Variants in VGF observed in about 807,000 individuals in gnomAD.
VGF encodes the protein neurosecretory protein VGF.
In VGF, 13 loss-of-function variants were observed where a neutral mutation model predicts 41.1. The ratio of observed to expected loss-of-function variants is 0.32; its 90% CI spans 0.21 to 0.50. The LOEUF is 0.50. VGF is among the 20% of genes least tolerant of loss of function. VGF has a pLI of 0.98. For synonymous variants in VGF, 473 were observed against 418.3 expected, an observed-to-expected ratio of 1.13 and a Z score of -1.60; for missense variants, 920 against 882.1, an observed-to-expected ratio of 1.04 and a Z score of -0.54.
At position 101,164,882 on chromosome 7, in the gene VGF, C is replaced by T; in HGVS notation, c.-20-19G>A. On this transcript the variant is annotated intron_variant, in intron 1 of 1. Coordinates refer to ENST00000249330, the MANE Select transcript of VGF (RefSeq NM_003378.4). ...CCGGAGACTGAAAAATAGAAGGGACCAAAAAAAGAGGATTTCTGTAAGAAT... is the reference window on the plus strand; with the variant it reads ...CCGGAGACTGAAAAATAGAAGGGACTAAAAAAAGAGGATTTCTGTAAGAAT... 6.6e-7 allele frequency: 1 copy of T among 1,512,932 alleles called. No homozygotes were observed. The highest frequency in any genetic ancestry group is 8.8e-7 in the Non-Finnish European group (1 of 1,130,280). The allele number at this position is 1,512,932 out of a possible 1,614,324, so 93.7% of individuals were successfully genotyped here. A position where few individuals can be genotyped will look rare whatever the true frequency, so the allele number is the denominator to read the frequency against.
chr7:101,169,004 C>T (rs1797264212), upstream of VGF, among the ~76,000 whole-genome samples: 1 of 152,022 alleles, frequency 6.6e-6, no homozygotes, highest in African/African-American at 2.4e-5. Context: ...TTAGAACACA[C>T]TCTTGCCCTA....
At position 101,163,157 on chromosome 7, in the gene VGF, G is replaced by A; in HGVS notation, c.1687C>T (p.Arg563Cys). ...GGCAAGGCGTGGTGGTAGTGGCGGC[G>A]GCGCAAGGCCGAGGGCGGCTGCAGT... The part of the protein sequence containing the change: ...RTLQPPSALR[R>C]RHYHHALPPS... The change falls in exon 2 of 2, where the codon CGC becomes TGC. Residue 563 changes from arginine to cysteine, a missense_variant. This residue lies in a region of VGF where 257 missense variants were observed against 217.2 expected (regional missense o/e 1.18). Coordinates refer to ENST00000249330, the MANE Select transcript of VGF (RefSeq NM_003378.4). The surrounding 1 kb of genome is among the most constrained non-coding windows in gnomAD (Gnocchi z 5.0). The A allele has an allele frequency of 6.3e-7, 1 of 1,574,904 alleles. No homozygotes were observed. The highest frequency in any genetic ancestry group is 1.4e-5 in the African/African-American group (1 of 70,928).
In VGF at chr7:101,163,151, G is replaced by C. The variant is rs1321834367; in HGVS notation, c.1693C>G (p.His565Asp). ...LQPPSALRRR[H>D]YHHALPPSRH... ...GAAGGCGGCAAGGCGTGGTGGTAGTGGCGGCGGCGCAAGGCCGAGGGCGGC... is the reference window on the plus strand; with the variant it reads ...GAAGGCGGCAAGGCGTGGTGGTAGTCGCGGCGGCGCAAGGCCGAGGGCGGC... The change falls in exon 2 of 2, where the codon CAC (histidine) becomes GAC (aspartate). Residue 565 changes from histidine (H) to aspartate (D), a missense_variant. Around this residue, in one of 3 missense-constraint regions of VGF, gnomAD observed 257 missense variants for 217.2 expected, o/e 1.18. Transcript: ENST00000249330. This position sits in a 1 kb window ranked among gnomAD's most constrained non-coding sequence, Gnocchi z 5.0. The C allele has an allele frequency of 1.3e-6, 2 of 1,578,828 alleles. No homozygotes were observed. Among genetic ancestry groups the C allele is most frequent in the Non-Finnish European group, 1.7e-6 (2 of 1,166,528 alleles).
At position 101,163,581 on chromosome 7, in the gene VGF, C is replaced by T. The variant is rs541622163; in HGVS notation, c.1263G>A (p.Gln421=). The change falls in exon 2 of 2, where the codon CAG becomes CAA. Residue 421 remains glutamine, a synonymous_variant. Transcript: ENST00000249330. This position sits in a 1 kb window ranked among gnomAD's most constrained non-coding sequence, Gnocchi z 5.0. The part of the protein sequence containing the change: ...GEAGAEDKRS[Q]EETPGHRRKE... ...TCCGCCGGTGGCCCGGCGTCTCCTC[C>T]TGGGAGCGCTTGTCCTCGGCGCCGG... is the stretch of plus-strand genomic sequence containing the variant. The T allele has an allele frequency of 3.2e-6, 5 of 1,574,398 alleles. No individual in the cohort carries two copies. The South Asian group carries it at 3.4e-5, about 11-fold the overall frequency.
Position 101,163,604 on chromosome 7 carries a change from C to T in VGF, c.1240G>A (p.Gly414Ser), listed in dbSNP as rs1797156686. ...TCCTGGGAGCGCTTGTCCTCGGCGC[C>T]GGCTTCCCCGTCCTCCTCCTCCGCG... is the stretch of plus-strand genomic sequence containing the variant. ...LFAEEEDGEA[G>S]AEDKRSQEET... Residue 414 changes from glycine to serine, a missense_variant, in exon 2 of 2, where the codon GGC (glycine) becomes AGC (serine). By Grantham distance (56) the Gly-to-Ser change is moderately conservative (BLOSUM62 0). Transcript: ENST00000249330. This position sits in a 1 kb window ranked among gnomAD's most constrained non-coding sequence, Gnocchi z 5.0. The T allele has an allele frequency of 6.4e-7, 1 of 1,555,406 alleles. No homozygotes were observed. The highest frequency in any genetic ancestry group is 1.2e-5 in the South Asian group (1 of 85,902).
rs1797124873 is a variant in VGF at position 101,162,626 on chromosome 7, C to T, written c.*370G>A. 1.4e-5 allele frequency: 5 copies of T among 350,214 alleles called. No individual in the cohort carries two copies. The highest frequency in any genetic ancestry group is 8.6e-5 in the South Asian group (4 of 46,370). The allele number at this position is 350,214 out of a possible 1,614,324, so 21.7% of individuals were successfully genotyped here. A position where few individuals can be genotyped will look rare whatever the true frequency, so the allele number is the denominator to read the frequency against. Reference sequence around the variant, plus strand: ...CAGCGACTTGGAGAGGCTGGAGGGGCTCGTGGGAGGCCCGAAGGGCTGGAG... The same window carrying T: ...CAGCGACTTGGAGAGGCTGGAGGGGTTCGTGGGAGGCCCGAAGGGCTGGAG... On this transcript the variant is annotated 3_prime_UTR_variant, in exon 2 of 2. Coordinates refer to ENST00000249330, the MANE Select transcript of VGF (RefSeq NM_003378.4). This position sits in a 1 kb window ranked among gnomAD's most constrained non-coding sequence, Gnocchi z 4.2.
chr7:101,164,015 G>C lies in VGF; in HGVS notation c.829C>G (p.Pro277Ala). 1.4e-6 allele frequency: 2 copies of C among 1,478,004 alleles called. No individual in the cohort carries two copies. The highest frequency in any genetic ancestry group is 1.4e-5 in the South Asian group (1 of 70,866). 91.6% of individuals were successfully genotyped at this position (1,478,004 alleles called of 1,614,324 possible). A position where few individuals can be genotyped will look rare whatever the true frequency, so the allele number is the denominator to read the frequency against. ...KAYQGVAAPF[P>A]KARRPESALL... ...GCGCTCTCCGGCCGGCGCGCCTTGG[G>C]GAACGGGGCGGCCACGCCTTGGTAC... Residue 277 changes from proline (P) to alanine (A), a missense_variant, in exon 2 of 2, where the codon CCC (proline) becomes GCC (alanine). By Grantham distance (27) the Pro-to-Ala change is conservative. This residue lies in a region of VGF where 654 missense variants were observed against 638.4 expected (regional missense o/e 1.02). Coordinates refer to ENST00000249330, the MANE Select transcript of VGF (RefSeq NM_003378.4).
chr7:101,163,710 C>A lies in VGF; in HGVS notation c.1134G>T (p.Val378=). Residue 378 remains valine, a synonymous_variant, in exon 2 of 2, where the codon GTG becomes GTT. Transcript: ENST00000249330. The surrounding 1 kb of genome is among the most constrained non-coding windows in gnomAD (Gnocchi z 5.0). ...CGGCCGCCTCCTCATCCTCTTCCCC[C>A]ACCCTCTCCTCCCCGCCGCGTCTCT... ...EQERRGGEER[V]GEEDEEAAEA... 6.5e-7 allele frequency: 1 copy of A among 1,535,880 alleles called. No homozygotes were observed. The highest frequency in any genetic ancestry group is 2.2e-4 in the Middle Eastern group (1 of 4,500).
upstream of VGF, among the ~76,000 whole-genome samples, chr7:101,168,149 G>A (rs1206026872): frequency 3.3e-5 from 5 of 151,732 alleles, no homozygotes; most frequent in African/African-American, 1.2e-4. Context: ...CAATGTGTGT[G>A]TAAGCACACA....
rs565534929 is a variant in VGF, at chr7:101,163,041, C to T, written c.1803G>A (p.Glu601=). 3.9e-5 allele frequency: 62 copies of T among 1,569,760 alleles called. No homozygotes were observed. The South Asian group carries it at 6.5e-4, about 16-fold the overall frequency. ...CGTGCTCGATGTAATTCTCCAGCTC[C>T]TCCTGCTCCTGCAGCCGGCGCTCCT... ...EAEERRLQEQ[E]ELENYIEHVL... Residue 601 remains glutamate, a synonymous_variant, in exon 2 of 2, where the codon GAG becomes GAA. Coordinates refer to ENST00000249330, the MANE Select transcript of VGF (RefSeq NM_003378.4). The surrounding 1 kb of genome is among the most constrained non-coding windows in gnomAD (Gnocchi z 5.0).
At position 101,162,935 on chromosome 7, in the gene VGF, G is replaced by C. The variant is rs1797131276; in HGVS notation, c.*61C>G. ...ACACCGAGGGGGAGCGGGCAACACG[G>C]AGGGGGGCGCCGGCGCGCGCGCGCG... On this transcript the variant is annotated 3_prime_UTR_variant, in exon 2 of 2. Transcript: ENST00000249330. The surrounding 1 kb of genome is among the most constrained non-coding windows in gnomAD (Gnocchi z 4.2). The C allele has an allele frequency of 1.2e-6, 1 of 822,406 alleles. No homozygotes were observed. Among genetic ancestry groups the C allele is most frequent in the African/African-American group, 1.8e-5 (1 of 54,722 alleles). 50.9% of individuals were successfully genotyped at this position (822,406 alleles called of 1,614,324 possible).
At position 101,163,829 on chromosome 7, in the gene VGF, C is replaced by G; in HGVS notation, c.1015G>C (p.Gly339Arg). Residue 339 changes from glycine to arginine, a missense_variant, in exon 2 of 2, where the codon GGC becomes CGC. Physicochemically the swap from Gly to Arg is moderately radical, Grantham distance 125. This residue lies in a region of VGF where 654 missense variants were observed against 638.4 expected (regional missense o/e 1.02). Coordinates refer to ENST00000249330, the MANE Select transcript of VGF (RefSeq NM_003378.4). This position sits in a 1 kb window ranked among gnomAD's most constrained non-coding sequence, Gnocchi z 5.0. ...CCGAGGCCGCGCTGCCGGGCCCCGC[C>G]CTGCAGCAAATACTGGAGCAGCAGG... ...SDLLLQYLLQ[G>R]GARQRGLGGR... 6.5e-7 allele frequency: 1 copy of G among 1,530,682 alleles called. No homozygotes were observed. Among genetic ancestry groups the G allele is most frequent in the Non-Finnish European group, 8.7e-7 (1 of 1,144,340 alleles). The allele number at this position is 1,530,682 out of a possible 1,614,324, so 94.8% of individuals were successfully genotyped here. A position where few individuals can be genotyped will look rare whatever the true frequency, so the allele number is the denominator to read the frequency against.
rs1413357162 is a variant in VGF at position 101,163,362 on chromosome 7, G to T, written c.1482C>A (p.Pro494=). 1 of 1,532,200 alleles carries T rather than the reference G, an allele frequency of 6.5e-7. No homozygotes were observed. The highest frequency in any genetic ancestry group is 1.9e-5 in the Admixed American group (1 of 53,912). 94.9% of individuals were successfully genotyped at this position (1,532,200 alleles called of 1,614,324 possible). ...KNAPPEPVPP[P]RAAPAPTHVR... ...CGTGGGTGGGGGCGGGGGCGGCACG[G>T]GGGGGCGGCACGGGCTCGGGAGGGG... Residue 494 remains proline, a synonymous_variant, in exon 2 of 2, where the codon CCC becomes CCA. Transcript: ENST00000249330. The surrounding 1 kb of genome is among the most constrained non-coding windows in gnomAD (Gnocchi z 5.0).
upstream of VGF, among the ~76,000 whole-genome samples, chr7:101,166,041 C>T (rs1164025612): frequency 1.3e-5 from 2 of 152,176 alleles, no homozygotes; most frequent in African/African-American, 4.8e-5. Flanking sequence ...GAGCTCAATA[C>T]TGGGGAGGGG....
At chr7:101,166,198 C>T (rs1797216560), upstream of VGF, among the ~76,000 whole-genome samples, 1 of 152,356 alleles carries the variant, frequency 6.6e-6, no homozygotes, top group South Asian at 2.1e-4. Flanking sequence ...GTGGCAGCCC[C>T]CTGACAGGGG....
Position 101,162,736 on chromosome 7 carries a change from GC to G in VGF, c.*259del. 1.7e-6 allele frequency: 1 copy of G among 600,854 alleles called. No homozygotes were observed. The highest frequency in any genetic ancestry group is 3.1e-6 in the Non-Finnish European group (1 of 322,246). The allele number at this position is 600,854 out of a possible 1,614,324, so 37.2% of individuals were successfully genotyped here. A position where few individuals can be genotyped will look rare whatever the true frequency, so the allele number is the denominator to read the frequency against. Reference sequence around the variant, plus strand: ...CCCAGAGGGACTTGATGGGGCCGGGGCCCCGCGTGGCAAGGGAACTCGCACA... The same window carrying G: ...CCCAGAGGGACTTGATGGGGCCGGGGCCCGCGTGGCAAGGGAACTCGCACA... On this transcript the variant is annotated 3_prime_UTR_variant, in exon 2 of 2. Coordinates refer to ENST00000249330, the MANE Select transcript of VGF (RefSeq NM_003378.4). The surrounding 1 kb of genome is among the most constrained non-coding windows in gnomAD (Gnocchi z 4.2).
chr7:101,163,828 C>A lies in VGF; in HGVS notation c.1016G>T (p.Gly339Val). The change falls in exon 2 of 2, where the codon GGC becomes GTC. Residue 339 changes from glycine (G) to valine (V), a missense_variant. Physicochemically the swap from Gly to Val is moderately radical, Grantham distance 109. Around this residue, in one of 3 missense-constraint regions of VGF, gnomAD observed 654 missense variants for 638.4 expected, o/e 1.02. Transcript: ENST00000249330. The surrounding 1 kb of genome is among the most constrained non-coding windows in gnomAD (Gnocchi z 5.0). ...SDLLLQYLLQ[G>V]GARQRGLGGR... ...CCCGAGGCCGCGCTGCCGGGCCCCGCCCTGCAGCAAATACTGGAGCAGCAG... is the reference window on the plus strand; with the variant it reads ...CCCGAGGCCGCGCTGCCGGGCCCCGACCTGCAGCAAATACTGGAGCAGCAG... 6.5e-7 allele frequency: 1 copy of A among 1,530,718 alleles called. No homozygotes were observed. The allele number at this position is 1,530,718 out of a possible 1,614,324, so 94.8% of individuals were successfully genotyped here.
rs1236153454 is a variant in VGF, at chr7:101,162,810, C to CTGG, written c.*183_*185dup. On this transcript the variant is annotated 3_prime_UTR_variant, in exon 2 of 2. Transcript: ENST00000249330. This position sits in a 1 kb window ranked among gnomAD's most constrained non-coding sequence, Gnocchi z 4.2. ...GCCCCCGGTCACCCGCGGGTGAGCT[C>CTGG]TGGGAGTTCGGGCTCAGGACCCGGG... is the stretch of plus-strand genomic sequence containing the variant. The CTGG allele has an allele frequency of 6.1e-6, 4 of 657,462 alleles. No individual in the cohort carries two copies. The Admixed American group carries it at 8.3e-5, about 14-fold the overall frequency. The allele number at this position is 657,462 out of a possible 1,614,324, so 40.7% of individuals were successfully genotyped here. A position where few individuals can be genotyped will look rare whatever the true frequency, so the allele number is the denominator to read the frequency against.
In VGF at chr7:101,163,653, C is replaced by T; in HGVS notation, c.1191G>A (p.Arg397=). ...CGAACAGGAGCGCGTTCTGCCGCGC[C>T]CTCTCCGCCTCCTCCGCCTCTGCCT... ...EAEAEAEEAE[R]ARQNALLFAE... Residue 397 remains arginine (R), a synonymous_variant, in exon 2 of 2, where the codon AGG becomes AGA. Coordinates refer to ENST00000249330, the MANE Select transcript of VGF (RefSeq NM_003378.4). The surrounding 1 kb of genome is among the most constrained non-coding windows in gnomAD (Gnocchi z 5.0). 2 of 1,540,774 alleles carry T rather than the reference C, an allele frequency of 1.3e-6. No individual in the cohort carries two copies. Among genetic ancestry groups the T allele is most frequent in the Non-Finnish European group, 1.7e-6 (2 of 1,147,714 alleles).
Sources: gnomAD v4.1 joint callset for allele counts (sites outside exome capture counted in the v4.1 genomes callset) on GRCh38, gnomAD v4.1.1 for gene constraint, gnomAD v4.1.1 regional missense constraint, Gnocchi (gnomAD v3.1) non-coding constraint, MANE v1.5 for transcripts, NCBI Gene and HGNC (gene_info 2026-07-23, HGNC 2026-07-21) for gene names.